CRYGN: variants seen among roughly 807,000 people sequenced by gnomAD.
CRYGN encodes the protein crystallin gamma N.
In CRYGN, 17 loss-of-function variants were observed where a neutral mutation model predicts 19.2. That is an observed-to-expected ratio of 0.89 (90% CI 0.61 to 1.33). CRYGN has a LOEUF of 1.33. Among genes scored for constraint, CRYGN ranks in the 40% most tolerant of loss-of-function variants. The pLI is 0.00. For missense variants in CRYGN, 239 were observed against 239.6 expected (o/e 1.00, Z 0.02); for synonymous variants, 84 against 85.8 (o/e 0.98, Z 0.12).
At chr7:151,434,364 C>T (rs1305749465) in intron 3 of CRYGN, among the ~76,000 whole-genome samples, 1 of 152,190 alleles carries the variant, frequency 6.6e-6, no homozygotes, top group Non-Finnish European at 1.5e-5. Flanking sequence ...CACGCAAAGG[C>T]ATGACTTGGG....
Position 151,440,016 on chromosome 7 carries a change from A to T in CRYGN, c.-99T>A, listed in dbSNP as rs1801724011. The T allele has an allele frequency of 1.3e-5, 18 of 1,410,614 alleles. No individual in the cohort carries two copies. Among genetic ancestry groups the T allele is most frequent in the Non-Finnish European group, 1.6e-5 (17 of 1,079,146 alleles). 87.4% of individuals were successfully genotyped at this position (1,410,614 alleles called of 1,614,324 possible). A position where few individuals can be genotyped will look rare whatever the true frequency, so the allele number is the denominator to read the frequency against. On this transcript the variant is annotated 5_prime_UTR_variant, in exon 1 of 4. Coordinates refer to ENST00000337323, the MANE Select transcript of CRYGN (RefSeq NM_144727.3). ...AAAAGATTTGCTGGGCCGGCCCCGGAGCGTTAGTGCTGTCGGGCGTGCTAA... is the reference window on the plus strand; with the variant it reads ...AAAAGATTTGCTGGGCCGGCCCCGGTGCGTTAGTGCTGTCGGGCGTGCTAA...
chr7:151,435,808 T>TC lies in CRYGN; in HGVS notation c.416+371dup, dbSNP rs1413256923. Among the ~76,000 whole-genome samples, 1 of 151,974 alleles carries TC rather than the reference T, an allele frequency of 6.6e-6. No homozygotes were observed. The highest frequency in any genetic ancestry group is 1.5e-5 in the Non-Finnish European group (1 of 67,954). On this transcript the variant is annotated intron_variant, in intron 3 of 3. Coordinates refer to ENST00000337323, the MANE Select transcript of CRYGN (RefSeq NM_144727.3). This position sits in a 1 kb window ranked among gnomAD's most constrained non-coding sequence, Gnocchi z 4.2. ...TGGAGGACCCCTTGGTAAGCAGGTG[T>TC]CCCCCGGTTCAAGAAAACCAAAGGC...
rs1318832395 is a variant in CRYGN at position 151,435,794 on chromosome 7, T to G, written c.416+386A>C. Among the ~76,000 whole-genome samples, 2 of 152,186 alleles carry G rather than the reference T, an allele frequency of 1.3e-5. No individual in the cohort carries two copies. The highest frequency in any genetic ancestry group is 4.8e-5 in the African/African-American group (2 of 41,534). On this transcript the variant is annotated intron_variant, in intron 3 of 3. Transcript: ENST00000337323. This position sits in a 1 kb window ranked among gnomAD's most constrained non-coding sequence, Gnocchi z 4.2. Reference sequence around the variant, plus strand: ...AGCCCATAAGGCCCTGGAGGACCCCTTGGTAAGCAGGTGTCCCCCGGTTCA... The same window carrying G: ...AGCCCATAAGGCCCTGGAGGACCCCGTGGTAAGCAGGTGTCCCCCGGTTCA...
Position 151,436,231 on chromosome 7 carries a change from C to G in CRYGN, c.365G>C (p.Arg122Thr). ...FLEDSPFLQSRGWVKNCVNTI... is the reference protein window; with the variant it reads ...FLEDSPFLQSTGWVKNCVNTI... ...GTTCACACAGTTCTTGACCCAGCCC[C>G]TGCTCTGGAGGAAGGGGCTGTCCTC... The change falls in exon 3 of 4, where the codon AGG becomes ACG. Residue 122 changes from arginine to threonine, a missense_variant. Coordinates refer to ENST00000337323, the MANE Select transcript of CRYGN (RefSeq NM_144727.3). The surrounding 1 kb of genome is among the most constrained non-coding windows in gnomAD (Gnocchi z 5.1). 1 of 1,596,636 alleles carries G rather than the reference C, an allele frequency of 6.3e-7. No homozygotes were observed. The highest frequency in any genetic ancestry group is 8.5e-7 in the Non-Finnish European group (1 of 1,171,024).
Position 151,435,284 on chromosome 7 carries a change from C to T in CRYGN, c.416+896G>A, listed in dbSNP as rs1296927550. On this transcript the variant is annotated intron_variant, in intron 3 of 3. Coordinates refer to ENST00000337323, the MANE Select transcript of CRYGN (RefSeq NM_144727.3). This position sits in a 1 kb window ranked among gnomAD's most constrained non-coding sequence, Gnocchi z 4.2. Reference sequence around the variant, plus strand: ...AGGGGACTGAGGCCTGGGAAAGCGGCTAGCTCTGGAACAGGGACAGACACA... The same window carrying T: ...AGGGGACTGAGGCCTGGGAAAGCGGTTAGCTCTGGAACAGGGACAGACACA... Among the ~76,000 whole-genome samples, 1 of 152,200 alleles carries T rather than the reference C, an allele frequency of 6.6e-6. No homozygotes were observed. The highest frequency in any genetic ancestry group is 1.5e-5 in the Non-Finnish European group (1 of 68,030).
rs1801521497 is a variant in CRYGN at position 151,433,515 on chromosome 7, G to A, written c.416+2665C>T. On this transcript the variant is annotated intron_variant, in intron 3 of 3. Coordinates refer to ENST00000337323, the MANE Select transcript of CRYGN (RefSeq NM_144727.3). This position sits in a 1 kb window ranked among gnomAD's most constrained non-coding sequence, Gnocchi z 5.1. ...GGTTGGGGCCAGGAAGGAAGAGAGA[G>A]AGGCAGAGGGTGTGAGCCAGCCTGG... The A allele has an allele frequency of 6.4e-6, 1 of 155,232 alleles. No homozygotes were observed. The highest frequency in any genetic ancestry group is 2.4e-5 in the African/African-American group (1 of 41,522). The allele number at this position is 155,232 out of a possible 1,614,324, so 9.6% of individuals were successfully genotyped here. A position where few individuals can be genotyped will look rare whatever the true frequency, so the allele number is the denominator to read the frequency against.
At position 151,436,252 on chromosome 7, in the gene CRYGN, T is replaced by C; in HGVS notation, c.344A>G (p.Asp115Gly). Reference sequence around the variant, plus strand: ...GCCCCTGCTCTGGAGGAAGGGGCTGTCCTCCAGGAACTCCAGGCACTGGCC... The same window carrying C: ...GCCCCTGCTCTGGAGGAAGGGGCTGCCCTCCAGGAACTCCAGGCACTGGCC... ...FTGQCLEFLE[D>G]SPFLQSRGWV... Residue 115 changes from aspartate (D) to glycine (G), a missense_variant, in exon 3 of 4, where the codon GAC becomes GGC. Coordinates refer to ENST00000337323, the MANE Select transcript of CRYGN (RefSeq NM_144727.3). This position sits in a 1 kb window ranked among gnomAD's most constrained non-coding sequence, Gnocchi z 5.1. 6.3e-7 allele frequency: 1 copy of C among 1,599,494 alleles called. No homozygotes were observed. Among genetic ancestry groups the C allele is most frequent in the Non-Finnish European group, 8.5e-7 (1 of 1,172,814 alleles).
chr7:151,434,038 C>T (rs956765115), intron 3 of CRYGN, among the ~76,000 whole-genome samples: 1 of 152,064 alleles, frequency 6.6e-6, no homozygotes, highest in East Asian at 1.9e-4. Context: ...GTGGAGGGAC[C>T]CTGCCTTGCC....
chr7:151,438,328 G>C, intron 1 of CRYGN, 84 bp from the exon 2 acceptor site: 1 of 1,391,408 alleles, frequency 7.2e-7, no homozygotes, highest in Non-Finnish European at 9.8e-7. Context: ...CCAACACCCT[G>C]GATGGAACCC....
intron 1 of CRYGN, among the ~76,000 whole-genome samples, chr7:151,439,466 C>T (rs949460364): frequency 2.0e-5 from 3 of 152,144 alleles, no homozygotes; most frequent in Non-Finnish European, 4.4e-5. Flanking sequence ...CAAAGGGATT[C>T]GGGGCTCCCT....
At chr7:151,434,336 G>A (rs1801546787) in intron 3 of CRYGN, among the ~76,000 whole-genome samples, 1 of 152,154 alleles carries the variant, frequency 6.6e-6, no homozygotes, top group African/African-American at 2.4e-5. Flanking sequence ...ATTGTGTCTA[G>A]GGCCTCAGGA....
In CRYGN at chr7:151,431,928, C is replaced by T. The variant is rs1053957004; in HGVS notation, c.417-1748G>A. Reference sequence around the variant, plus strand: ...TGCTTCTCACCACCTCTCCCCACCACTCTCCCCTCCCTGGCCCAGGGGGTC... The same window carrying T: ...TGCTTCTCACCACCTCTCCCCACCATTCTCCCCTCCCTGGCCCAGGGGGTC... On this transcript the variant is annotated intron_variant, in intron 3 of 3. Coordinates refer to ENST00000337323, the MANE Select transcript of CRYGN (RefSeq NM_144727.3). This position sits in a 1 kb window ranked among gnomAD's most constrained non-coding sequence, Gnocchi z 4.8. The T allele has an allele frequency of 1.8e-5, 6 of 338,696 alleles. No homozygotes were observed. Among genetic ancestry groups the T allele is most frequent in the African/African-American group, 6.3e-5 (3 of 47,324 alleles). 21.0% of individuals were successfully genotyped at this position (338,696 alleles called of 1,614,324 possible).
At chr7:151,437,811 A>G in intron 2 of CRYGN, 185 bp downstream of exon 2, 4 of 1,472,262 alleles carry the variant, frequency 2.7e-6, no homozygotes, top group Admixed American at 4.6e-5. Context: ...CACTCAGTTC[A>G]TAGCAACTTG....
Position 151,436,581 on chromosome 7 carries a change from G to T in CRYGN, c.271-256C>A, listed in dbSNP as rs748266931. ...CTCTTTCTACAACTAGAAAATCTGA[G>T]GTCCAAAGAGGGCCAAACTGACCAG... is the stretch of plus-strand genomic sequence containing the variant. On this transcript the variant is annotated intron_variant, in intron 2 of 3. Coordinates refer to ENST00000337323, the MANE Select transcript of CRYGN (RefSeq NM_144727.3). The surrounding 1 kb of genome is among the most constrained non-coding windows in gnomAD (Gnocchi z 5.1). 5.3e-5 allele frequency among the ~76,000 whole-genome samples: 8 copies of T among 152,110 alleles called. No homozygotes were observed. The highest frequency in any genetic ancestry group is 7.4e-5 in the Non-Finnish European group (5 of 68,022).
intron 3 of CRYGN, among the ~76,000 whole-genome samples, chr7:151,432,557 A>G (rs1801497290): frequency 6.6e-6 from 1 of 152,190 alleles, no homozygotes; most frequent in Non-Finnish European, 1.5e-5. Context: ...TAATCTCAGA[A>G]TTTTGGGAGG....
rs1051479604 is a variant in CRYGN, at chr7:151,431,596, C to T, written c.417-1416G>A. Among the ~76,000 whole-genome samples the T allele has an allele frequency of 2.6e-5, 4 of 152,154 alleles. No homozygotes were observed. The highest frequency in any genetic ancestry group is 2.9e-5 in the Non-Finnish European group (2 of 68,026). ...TTTCTCCCCGAAAGCCCCTCCATTC[C>T]CACAGAGCCCACCTGTTCAAGCTAA... On this transcript the variant is annotated intron_variant, in intron 3 of 3. Transcript: ENST00000337323. This position sits in a 1 kb window ranked among gnomAD's most constrained non-coding sequence, Gnocchi z 4.8.
At chr7:151,438,289 C>T (rs763916254) in intron 1 of CRYGN, 45 bp from the exon 2 acceptor site, 7 of 1,564,186 alleles carry the variant, frequency 4.5e-6, no homozygotes, top group Middle Eastern at 2.0e-4. Context: ...GGCTTCTCTC[C>T]GTCAGCGTTG....
At chr7:151,434,114 G>T (rs952928467) in intron 3 of CRYGN, among the ~76,000 whole-genome samples, 1 of 152,170 alleles carries the variant, frequency 6.6e-6, no homozygotes, top group Non-Finnish European at 1.5e-5. Flanking sequence ...ACCTGGGGGC[G>T]TTACCTCCTT....
chr7:151,433,284 G>T lies in CRYGN; in HGVS notation c.416+2896C>A, dbSNP rs762191221. Among the ~76,000 whole-genome samples the T allele has an allele frequency of 2.0e-5, 3 of 152,220 alleles. No individual in the cohort carries two copies. The highest frequency in any genetic ancestry group is 4.4e-5 in the Non-Finnish European group (3 of 68,028). ...GGGCCCGGCCCAGAAAAGCAGGAAG[G>T]TGCGGTGGGGAGGGAACGGGGGACC... On this transcript the variant is annotated intron_variant, in intron 3 of 3. Transcript: ENST00000337323. The surrounding 1 kb of genome is among the most constrained non-coding windows in gnomAD (Gnocchi z 5.1).
Sources: gnomAD v4.1 joint callset for allele counts (sites outside exome capture counted in the v4.1 genomes callset) on GRCh38, gnomAD v4.1.1 for gene constraint, Gnocchi (gnomAD v3.1) non-coding constraint, MANE v1.5 for transcripts, NCBI Gene and HGNC (gene_info 2026-07-23, HGNC 2026-07-21) for gene names.